Variants in PHF14 observed in about 807,000 individuals in gnomAD.
The protein encoded by PHF14 is PHD finger protein 14.
Under a neutral mutation model 117.9 loss-of-function variants are expected in PHF14, and 55 were observed. The ratio of observed to expected loss-of-function variants is 0.47; its 90% CI spans 0.38 to 0.58. PHF14 has a LOEUF of 0.58. PHF14 is among the 20% of genes least tolerant of loss of function. The pLI, the probability that PHF14 is intolerant of heterozygous loss-of-function variation, is 0.00. For synonymous variants in PHF14, 409 were observed against 368.6 expected, an observed-to-expected ratio of 1.11 and a Z score of -1.26; for missense variants, 978 against 1,122.2, an observed-to-expected ratio of 0.87 and a Z score of 1.84.
chr7:11,014,887 TG>T lies in PHF14; in HGVS notation c.1205+982del, dbSNP rs1783479648. 2.0e-5 allele frequency: 3 copies of T among 151,006 alleles called. No homozygotes were observed. In the South Asian group the frequency reaches 6.3e-4, roughly 31 times the overall value. 9.4% of individuals were successfully genotyped at this position (151,006 alleles called of 1,614,324 possible). A position where few individuals can be genotyped will look rare whatever the true frequency, so the allele number is the denominator to read the frequency against. The stretch of plus-strand genomic sequence containing the variant: ...ATCATAACGGTGTTGCCATCTTCCA[TG>T]TTTTTTTTTTTTTTACAGGAGACTA... On this transcript the variant is annotated intron_variant, in intron 5 of 17. Coordinates refer to ENST00000634607, the MANE Select transcript of PHF14 (RefSeq NM_001007157.2).
chr7:11,104,984 A>G (rs1044944308), intron 16 of PHF14: 1 of 903,528 alleles, frequency 1.1e-6, no homozygotes. Context: ...AAGAATTAGT[A>G]ATTTCATCTG....
chr7:11,053,985 T>A (rs1486604456), intron 14 of PHF14, among the ~76,000 whole-genome samples: 1 of 152,094 alleles, frequency 6.6e-6, no homozygotes, highest in Non-Finnish European at 1.5e-5. Flanking sequence ...GTGTGATTAT[T>A]TTCTTACTTG....
intron 16 of PHF14, chr7:11,107,010 C>G (rs750029054): frequency 1.0e-6 from 1 of 983,542 alleles, no homozygotes; most frequent in Non-Finnish European, 1.2e-6. Context: ...TTGCTTCTTT[C>G]TAAAGTTTAG....
At chr7:11,081,817 C>T (rs1173663104) in intron 16 of PHF14, among the ~76,000 whole-genome samples, 1 of 151,398 alleles carries the variant, frequency 6.6e-6, no homozygotes, top group African/African-American at 2.4e-5. Flanking sequence ...GATCGCGCCA[C>T]CACACTCCAG....
At chr7:11,147,006 C>G (rs1260917475) in intron 17 of PHF14, among the ~76,000 whole-genome samples, 1 of 152,044 alleles carries the variant, frequency 6.6e-6, no homozygotes, top group Non-Finnish European at 1.5e-5. Context: ...GCCACGACAC[C>G]TGGCTAATTT....
chr7:10,982,673 A>G lies in PHF14; in HGVS notation c.414A>G (p.Ala138=). ...EKEREKEKEK[A]TVSENVAASA... is the part of the protein sequence containing the mutation. Reference sequence around the variant, plus strand: ...AAAGAGAGAAGGAAAAAGAAAAAGCAACAGTATCTGAGAATGTGGCTGCTT... The same window carrying G: ...AAAGAGAGAAGGAAAAAGAAAAAGCGACAGTATCTGAGAATGTGGCTGCTT... The change falls in exon 3 of 18, where the codon GCA becomes GCG. Residue 138 remains alanine, a synonymous_variant. Transcript: ENST00000634607. 6.3e-7 allele frequency: 1 copy of G among 1,587,310 alleles called. No homozygotes were observed. Among genetic ancestry groups the G allele is most frequent in the Non-Finnish European group, 8.6e-7 (1 of 1,166,382 alleles).
intron 16 of PHF14, chr7:11,104,026 T>A: frequency 1.0e-6 from 1 of 985,042 alleles, no homozygotes; most frequent in Non-Finnish European, 1.2e-6. Flanking sequence ...AAATGACAGA[T>A]TGCCATTTTC....
intron 8 of PHF14, 51 bp downstream of exon 8, chr7:11,035,837 G>A (rs1784304994): frequency 7.0e-7 from 1 of 1,428,806 alleles, no homozygotes; most frequent in Non-Finnish European, 9.5e-7. Flanking sequence ...GGTTATGTAA[G>A]GATTTTACGT....
chr7:11,091,039 A>G (rs535773493), intron 16 of PHF14, among the ~76,000 whole-genome samples: 8 of 152,310 alleles, frequency 5.3e-5, no homozygotes, highest in South Asian at 4.1e-4. Context: ...AAGGGGTCCA[A>G]TGGAGATTTA....
At chr7:11,076,146 G>A (rs369288953) in intron 16 of PHF14, among the ~76,000 whole-genome samples, 25 of 152,260 alleles carry the variant, frequency 1.6e-4, no homozygotes, top group African/African-American at 5.8e-4. Flanking sequence ...TAACTAGAAA[G>A]TGTTGGAACT....
intron 17 of PHF14, among the ~76,000 whole-genome samples, chr7:11,154,829 CTTTA>C (rs768100094): frequency 1.6e-4 from 25 of 152,202 alleles, no homozygotes; most frequent in Admixed American, 5.2e-4. Flanking sequence ...CATTCACCCA[CTTTA>C]TTTATTTATT....
intron 7 of PHF14, among the ~76,000 whole-genome samples, chr7:11,031,110 C>T (rs1009824421): frequency 6.6e-6 from 1 of 151,792 alleles, no homozygotes; most frequent in African/African-American, 2.4e-5. Context: ...ATTTTATACT[C>T]TTTAGACATT....
At chr7:10,976,757 G>A (rs972258962) in intron 2 of PHF14, among the ~76,000 whole-genome samples, 1 of 151,248 alleles carries the variant, frequency 6.6e-6, no homozygotes, top group Non-Finnish European at 1.5e-5. Flanking sequence ...GATAGGATGA[G>A]TTTTGTTAGG....
chr7:11,014,417 A>G (rs990110200), intron 5 of PHF14, among the ~76,000 whole-genome samples: 1 of 152,208 alleles, frequency 6.6e-6, no homozygotes, highest in Non-Finnish European at 1.5e-5. Flanking sequence ...TATCCAAGGA[A>G]TGACAAAATT....
At chr7:11,099,972 A>G (rs113060616) in intron 16 of PHF14, among the ~76,000 whole-genome samples, 7 of 152,094 alleles carry the variant, frequency 4.6e-5, no homozygotes, top group East Asian at 1.9e-4. Context: ...ACTATTGACA[A>G]TTTCTCTAAA....
chr7:11,004,111 G>T (rs1782983423), intron 4 of PHF14, among the ~76,000 whole-genome samples: 1 of 151,886 alleles, frequency 6.6e-6, no homozygotes, highest in African/African-American at 2.4e-5. Context: ...AGCCAGGTGT[G>T]GTGGCTTGCG....
chr7:11,072,427 C>A (rs777701807), intron 16 of PHF14, among the ~76,000 whole-genome samples: 3 of 152,124 alleles, frequency 2.0e-5, no homozygotes, highest in Non-Finnish European at 2.9e-5. Context: ...GAGTGGGACA[C>A]GTATCCAAAC....
intron 5 of PHF14, among the ~76,000 whole-genome samples, chr7:11,018,070 T>C (rs959176838): frequency 6.6e-5 from 10 of 152,136 alleles, no homozygotes; most frequent in Non-Finnish European, 1.2e-4. Context: ...CTAAGTTCAC[T>C]TAGGTGCGTG....
At position 11,111,408 on chromosome 7, in the gene PHF14, T is replaced by A; in HGVS notation, c.2713T>A (p.Ser905Thr). The A allele has an allele frequency of 6.2e-7, 1 of 1,609,364 alleles. No homozygotes were observed. Among genetic ancestry groups the A allele is most frequent in the South Asian group, 1.1e-5 (1 of 90,172 alleles). ...CTGTTTGGATCCTCCTTTGAAAAAGTCTCCTAAACAGACAGGCTACGGATG... is the reference window on the plus strand; with the variant it reads ...CTGTTTGGATCCTCCTTTGAAAAAGACTCCTAAACAGACAGGCTACGGATG... ...FGCLDPPLKK[S>T]PKQTGYGWIC... The change falls in exon 17 of 18, where the codon TCT (serine) becomes ACT (threonine). Residue 905 changes from serine (S) to threonine (T), a missense_variant. Ser to Thr is a moderately conservative substitution (Grantham distance 58, BLOSUM62 1). Coordinates refer to ENST00000634607, the MANE Select transcript of PHF14 (RefSeq NM_001007157.2).
Sources: allele counts gnomAD v4.1 joint callset (sites outside exome capture counted in the v4.1 genomes callset), GRCh38; gene constraint gnomAD v4.1.1; transcripts MANE v1.5; gene names NCBI Gene and HGNC (gene_info 2026-07-23, HGNC 2026-07-21).